The following ADAM29 variants were observed in gnomAD, a reference collection of about 807,000 sequenced individuals.
The protein encoded by ADAM29 is ADAM metallopeptidase domain 29.
For synonymous variants in ADAM29, 367 were observed against 342.3 expected, an observed-to-expected ratio of 1.07 and a Z score of -0.80; for missense variants, 969 against 1,001.8, an observed-to-expected ratio of 0.97 and a Z score of 0.44.
chr4:174,953,264 C>A (rs1023459406), intron 4 of ADAM29, among the ~76,000 whole-genome samples: 3 of 151,948 alleles, frequency 2.0e-5, no homozygotes, highest in African/African-American at 7.3e-5. Context: ...CTAGCCTGGG[C>A]AACAGAGCAA....
At chr4:174,947,615 G>T (rs1418363792) in intron 4 of ADAM29, among the ~76,000 whole-genome samples, 1 of 152,092 alleles carries the variant, frequency 6.6e-6, no homozygotes, top group Non-Finnish European at 1.5e-5. Flanking sequence ...AGTATAGTTG[G>T]TATGATTTAG....
At chr4:174,963,071 TA>T (rs1383402570) in intron 4 of ADAM29, among the ~76,000 whole-genome samples, 1 of 152,152 alleles carries the variant, frequency 6.6e-6, no homozygotes, top group Admixed American at 6.5e-5. Context: ...GTAGTCTCAT[TA>T]AAATACTTGG....
intron 4 of ADAM29, among the ~76,000 whole-genome samples, chr4:174,968,295 A>C (rs997348011): frequency 1.3e-5 from 2 of 152,168 alleles, no homozygotes; most frequent in Admixed American, 1.3e-4. Context: ...CAAGTGCATC[A>C]GTGGCCCTCT....
chr4:174,978,019 C>G lies in ADAM29; in HGVS notation c.*31C>G, dbSNP rs771360999. 1 of 1,603,178 alleles carries G rather than the reference C, an allele frequency of 6.2e-7. No homozygotes were observed. Among genetic ancestry groups the G allele is most frequent in the Non-Finnish European group, 8.5e-7 (1 of 1,172,706 alleles). On this transcript the variant is annotated 3_prime_UTR_variant, in exon 5 of 5. Coordinates refer to ENST00000359240, the MANE Select transcript of ADAM29 (RefSeq NM_014269.4). ...ACCTCAGTTGATGCCTTCCCAGAGT[C>G]AACCTCCTGTGACGCCCTCCCAGAG...
At chr4:174,972,138 C>A (rs1055957394) in intron 4 of ADAM29, among the ~76,000 whole-genome samples, 4 of 152,100 alleles carry the variant, frequency 2.6e-5, no homozygotes, top group African/African-American at 7.2e-5. Flanking sequence ...TCATATTTTG[C>A]ATTCTAAATG....
chr4:174,962,459 C>T (rs1340754346), intron 4 of ADAM29, among the ~76,000 whole-genome samples: 1 of 151,072 alleles, frequency 6.6e-6, no homozygotes, highest in Non-Finnish European at 1.5e-5. Flanking sequence ...TTGCAGTGAG[C>T]CGAGATCGCG....
rs571207528 is a variant in ADAM29, at chr4:174,976,842, T to C, written c.1317T>C (p.Phe439=). The C allele has an allele frequency of 7.4e-6, 12 of 1,614,216 alleles. No homozygotes were observed. The South Asian group carries it at 1.3e-4, about 18-fold the overall frequency. Residue 439 remains phenylalanine (F), a synonymous_variant, in exon 5 of 5, where the codon TTT becomes TTC. Coordinates refer to ENST00000359240, the MANE Select transcript of ADAM29 (RefSeq NM_014269.4). The stretch of plus-strand genomic sequence containing the variant: ...TGACTGATGGTTCTACTTGTGCTTT[T>C]GGGCTTTGTTGCAAAGACTGCAAGT... The part of the protein sequence containing the change: ...CTLTDGSTCA[F]GLCCKDCKFL...
chr4:174,920,009 T>G (rs1282976236), intron 1 of ADAM29, among the ~76,000 whole-genome samples: 1 of 152,216 alleles, frequency 6.6e-6, no homozygotes, highest in African/African-American at 2.4e-5. Context: ...ATCTCTTATC[T>G]GAGAATTTAT....
At chr4:174,945,038 C>T (rs775746502) in intron 4 of ADAM29, among the ~76,000 whole-genome samples, 4 of 152,050 alleles carry the variant, frequency 2.6e-5, no homozygotes, top group Non-Finnish European at 2.9e-5. Flanking sequence ...TGAGTATATA[C>T]CCAATAGGAT....
intron 4 of ADAM29, among the ~76,000 whole-genome samples, chr4:174,948,160 C>T (rs1366250376): frequency 1.3e-5 from 2 of 152,158 alleles, no homozygotes; most frequent in Non-Finnish European, 2.9e-5. Flanking sequence ...CTGTATCTGT[C>T]ATTTCAGCCA....
At chr4:174,938,595 A>G (rs1447985612) in intron 4 of ADAM29, among the ~76,000 whole-genome samples, 1 of 152,186 alleles carries the variant, frequency 6.6e-6, no homozygotes, top group East Asian at 1.9e-4. Flanking sequence ...AGCAAAACAA[A>G]GATAAACTTA....
In ADAM29 at chr4:174,977,119, G is replaced by T. The variant is rs1746874775; in HGVS notation, c.1594G>T (p.Gly532Cys). The stretch of plus-strand genomic sequence containing the variant: ...ATTGAACACCTTAGGTGACCGTGTT[G>T]GTCACTGTGGTATCAAAAATGCTAC... ...KELNTLGDRV[G>C]HCGIKNATYI... Residue 532 changes from glycine (G) to cysteine (C), a missense_variant, in exon 5 of 5, where the codon GGT (glycine) becomes TGT (cysteine). Gly to Cys is a radical substitution (Grantham distance 159). Coordinates refer to ENST00000359240, the MANE Select transcript of ADAM29 (RefSeq NM_014269.4). 6.2e-7 allele frequency: 1 copy of T among 1,613,990 alleles called. No homozygotes were observed. The highest frequency in any genetic ancestry group is 8.5e-7 in the Non-Finnish European group (1 of 1,179,956).
intron 4 of ADAM29, among the ~76,000 whole-genome samples, chr4:174,947,898 C>A (rs1264105092): frequency 1.3e-5 from 2 of 152,160 alleles, no homozygotes; most frequent in African/African-American, 4.8e-5. Flanking sequence ...TTTTGTCTGA[C>A]AGAGCTAATT....
intron 4 of ADAM29, among the ~76,000 whole-genome samples, chr4:174,949,484 T>C (rs563107786): frequency 3.3e-5 from 5 of 152,038 alleles, no homozygotes; most frequent in Non-Finnish European, 5.9e-5. Flanking sequence ...TGTAGGTCAC[T>C]CCTCACCTGT....
chr4:174,946,818 G>A (rs181322852), intron 4 of ADAM29, among the ~76,000 whole-genome samples: 86 of 152,146 alleles, frequency 5.7e-4, no homozygotes, highest in South Asian at 2.7e-3. Flanking sequence ...ATTAGAAATG[G>A]TACCAGCTCT....
chr4:174,966,050 G>T (rs1289394916), intron 4 of ADAM29, among the ~76,000 whole-genome samples: 1 of 152,172 alleles, frequency 6.6e-6, no homozygotes, highest in African/African-American at 2.4e-5. Flanking sequence ...TGTAATATTT[G>T]CATATAACTT....
chr4:174,922,729 T>C (rs1257390555), intron 2 of ADAM29, among the ~76,000 whole-genome samples: 1 of 151,940 alleles, frequency 6.6e-6, no homozygotes, highest in African/African-American at 2.4e-5. Flanking sequence ...ATTTTTATCC[T>C]AAAAAATATT....
At chr4:174,934,417 A>G in intron 3 of ADAM29, among the ~76,000 whole-genome samples, 1 of 151,948 alleles carries the variant, frequency 6.6e-6, no homozygotes, top group African/African-American at 2.4e-5. Context: ...TTTAATCTCT[A>G]TTTTCTCCAT....
At chr4:174,931,293 A>G (rs1743857174) in intron 3 of ADAM29, 119 bp downstream of exon 3, 1 of 152,198 alleles carries the variant, frequency 6.6e-6, no homozygotes, top group African/African-American at 2.4e-5. Flanking sequence ...CAATGCCAAC[A>G]AGCATGAGAG....
Sources: allele counts gnomAD v4.1 joint callset (sites outside exome capture counted in the v4.1 genomes callset), GRCh38; gene constraint gnomAD v4.1.1; transcripts MANE v1.5; gene names NCBI Gene and HGNC (gene_info 2026-07-23, HGNC 2026-07-21).